The following ACOT1 variants were observed in gnomAD, a reference collection of about 807,000 sequenced individuals.
The protein encoded by ACOT1 is acyl-coenzyme A thioesterase 1.
Under a neutral mutation model 15.7 loss-of-function variants are expected in ACOT1, and 8 were observed. That is an observed-to-expected ratio of 0.51 (90% CI 0.30 to 0.92). The LOEUF (loss-of-function observed/expected upper bound fraction) is 0.92, where lower values mean the gene tolerates loss of function less well. Ranked by LOEUF, ACOT1 falls within the 40% of genes least tolerant of loss-of-function variation. The probability of loss-of-function intolerance (pLI) is 0.06; values close to 1 mark genes in which losing one functional copy is unlikely to be tolerated. For synonymous variants in ACOT1, 67 were observed against 241.2 expected, an observed-to-expected ratio of 0.28 and a Z score of 6.69; for missense variants, 151 against 539.4, an observed-to-expected ratio of 0.28 and a Z score of 7.13.
chr14:73,503,109 T>G, the ACOT1 span: 1 of 950,230 alleles, frequency 1.1e-6, no homozygotes, highest in South Asian at 1.4e-5. Context: ...TACTCATCAC[T>G]GTACTAATGA....
At chr14:73,525,511 A>T in the ACOT1 span, among the ~76,000 whole-genome samples, 1 of 152,196 alleles carries the variant, frequency 6.6e-6, no homozygotes, top group Non-Finnish European at 1.5e-5. Context: ...TAAGAGAAAG[A>T]GGGTGGTCAC....
At chr14:73,491,367 C>A in the ACOT1 span, 3 of 1,370,288 alleles carry the variant, frequency 2.2e-6, 1 homozygote, top group South Asian at 1.8e-5. Context: ...TCCCTGCAGA[C>A]CCCGTCGGCG....
the ACOT1 span, chr14:73,491,412 T>C: frequency 3.0e-6 from 4 of 1,346,616 alleles, no homozygotes; most frequent in Non-Finnish European, 2.8e-6. Flanking sequence ...CCCGCGCGCC[T>C]GGTGGAGGTG....
chr14:73,527,515 T>A, the ACOT1 span: 4 of 150,520 alleles, frequency 2.7e-5, no homozygotes, highest in Non-Finnish European at 5.9e-5. Flanking sequence ...TTCTTTTGTT[T>A]CTTTACTTCT....
chr14:73,537,474 C>G lies in ACOT1; in HGVS notation c.53C>G (p.Pro18Arg). The change falls in exon 1 of 3, where the codon CCG (proline) becomes CGG (arginine). Residue 18 changes from proline to arginine, a missense_variant. Physicochemically the swap from Pro to Arg is moderately radical, Grantham distance 103. Transcript: ENST00000311148. ...GCGGGCCGCTGCTGCTGGGACGAACCGGTGCGAATCGCCGTGCGCGGCCTA... is the reference window on the plus strand; with the variant it reads ...GCGGGCCGCTGCTGCTGGGACGAACGGGTGCGAATCGCCGTGCGCGGCCTA... The part of the protein sequence containing the change: ...EPAGRCCWDE[P>R]VRIAVRGLAP... 8.1e-7 allele frequency: 1 copy of G among 1,227,136 alleles called. No homozygotes were observed. Among genetic ancestry groups the G allele is most frequent in the Non-Finnish European group, 1.1e-6 (1 of 928,172 alleles). 76.0% of individuals were successfully genotyped at this position (1,227,136 alleles called of 1,614,324 possible).
the ACOT1 span, among the ~76,000 whole-genome samples, chr14:73,504,103 G>A: frequency 6.9e-6 from 1 of 144,596 alleles, no homozygotes; most frequent in African/African-American, 2.6e-5. Context: ...TTGAGACGGA[G>A]TTTCACTCTT....
At chr14:73,533,881 T>TA (rs59844752), upstream of ACOT1, among the ~76,000 whole-genome samples, 216 of 37,954 alleles carry the variant, frequency 5.7e-3, 8 homozygotes, top group African/African-American at 0.014. Flanking sequence ...ACCCTGTCTC[T>TA]AAAAAAAAAA....
chr14:73,496,527 T>G, the ACOT1 span: 2 of 883,178 alleles, frequency 2.3e-6, no homozygotes, highest in Non-Finnish European at 3.8e-6. Context: ...TGTACATGTT[T>G]GAGGAGGACA....
At chr14:73,509,866 A>ATATTTATATATT in the ACOT1 span, among the ~76,000 whole-genome samples, 23 of 67,512 alleles carry the variant, frequency 3.4e-4, 1 homozygote, top group African/African-American at 1.4e-3. Context: ...ATATATATAT[A>ATATTTATATATT]TATTTATTTA....
the ACOT1 span, among the ~76,000 whole-genome samples, chr14:73,504,669 T>C: frequency 6.6e-6 from 1 of 152,170 alleles, no homozygotes; most frequent in Non-Finnish European, 1.5e-5. Flanking sequence ...GTGATTACTG[T>C]ACTGAGTGGC....
At position 73,537,223 on chromosome 14, in the gene ACOT1, A is replaced by G; in HGVS notation, c.-199A>G. The G allele has an allele frequency of 2.2e-6, 1 of 456,460 alleles. No individual in the cohort carries two copies. The highest frequency in any genetic ancestry group is 3.5e-6 in the Non-Finnish European group (1 of 285,960). 28.3% of individuals were successfully genotyped at this position (456,460 alleles called of 1,614,324 possible). On this transcript the variant is annotated 5_prime_UTR_variant, in exon 1 of 3. Transcript: ENST00000311148. Reference sequence around the variant, plus strand: ...TAAAGTGGAGGTTTCAACACAGGAGACTTTAAGCAAGTTCCAGTGTGTCTA... The same window carrying G: ...TAAAGTGGAGGTTTCAACACAGGAGGCTTTAAGCAAGTTCCAGTGTGTCTA...
chr14:73,506,805 T>TTTTTTTTTTTTTTTTTTTTG, the ACOT1 span, among the ~76,000 whole-genome samples: 2 of 37,946 alleles, frequency 5.3e-5, 1 homozygote, highest in Non-Finnish European at 1.1e-4. Context: ...ACTTTAACTG[T>TTTTTTTTTTTTTTTTTTTTG]TTTTTTTTTT....
the ACOT1 span, chr14:73,492,799 C>T: frequency 6.2e-7 from 1 of 1,613,966 alleles, no homozygotes; most frequent in Non-Finnish European, 8.5e-7. The surrounding 1 kb of genome is among the most constrained non-coding windows in gnomAD (Gnocchi z 4.9). Context: ...AAGCTGATGC[C>T]ATGGAACTGT....
At chr14:73,498,427 C>G in the ACOT1 span, 4 of 1,213,682 alleles carry the variant, frequency 3.3e-6, no homozygotes, top group African/African-American at 6.1e-5. Flanking sequence ...GTTTTGCAAA[C>G]AATACCTTCC....
At chr14:73,500,087 A>G in the ACOT1 span, among the ~76,000 whole-genome samples, 1 of 152,094 alleles carries the variant, frequency 6.6e-6, no homozygotes, top group African/African-American at 2.4e-5. Flanking sequence ...AAAATTAGCC[A>G]GGTGTGGTGG....
the ACOT1 span, among the ~76,000 whole-genome samples, chr14:73,528,121 G>A: frequency 1.3e-5 from 2 of 151,230 alleles, no homozygotes; most frequent in East Asian, 2.0e-4. Context: ...GAGGCTATGC[G>A]CGGTGGCTCA....
the ACOT1 span, chr14:73,521,113 G>T: frequency 7.6e-7 from 1 of 1,307,444 alleles, no homozygotes; most frequent in Non-Finnish European, 1.1e-6. Flanking sequence ...TAAATCCACA[G>T]CTCGTTCCCT....
chr14:73,492,006 C>A, the ACOT1 span: 1 of 1,613,992 alleles, frequency 6.2e-7, no homozygotes, highest in Non-Finnish European at 8.5e-7. This position sits in a 1 kb window ranked among gnomAD's most constrained non-coding sequence, Gnocchi z 4.9. Flanking sequence ...GTTTACCTCA[C>A]GCCCCCTAAC....
chr14:73,534,580 T>G (rs1285134415), upstream of ACOT1, among the ~76,000 whole-genome samples: 4 of 109,330 alleles, frequency 3.7e-5, 1 homozygote, highest in Non-Finnish European at 7.8e-5. Flanking sequence ...TCCCAGGTGC[T>G]CGGGAGGCTG....
Sources: allele counts gnomAD v4.1 joint callset (sites outside exome capture counted in the v4.1 genomes callset), GRCh38; gene constraint gnomAD v4.1.1; non-coding constraint Gnocchi (gnomAD v3.1); transcripts MANE v1.5; gene names NCBI Gene and HGNC (gene_info 2026-07-23, HGNC 2026-07-21).